The following ADAMTSL3 variants were observed in gnomAD, a reference collection of about 807,000 sequenced individuals.
ADAMTSL3 encodes the protein ADAMTS-like protein 3.
In ADAMTSL3, 128 loss-of-function variants were observed where a neutral mutation model predicts 201.7. The observed-to-expected ratio is 0.63, with a 90% CI of 0.55 to 0.73. ADAMTSL3 has a LOEUF of 0.73. Among genes scored for constraint, ADAMTSL3 ranks in the 30% least tolerant of loss-of-function variants. The pLI is 0.00. For synonymous variants in ADAMTSL3, 738 were observed against 748.4 expected, an observed-to-expected ratio of 0.99 and a Z score of 0.23; for missense variants, 1,990 against 2,119.6, an observed-to-expected ratio of 0.94 and a Z score of 1.20.
chr15:83,934,031 C>CA (rs982822801), intron 17 of ADAMTSL3, among the ~76,000 whole-genome samples: 8 of 152,234 alleles, frequency 5.3e-5, no homozygotes, highest in Admixed American at 3.9e-4. Flanking sequence ...AATCCCTACA[C>CA]AGAGTCCCCA....
rs576748603 is a variant in ADAMTSL3, at chr15:83,896,052, C to T, written c.1468-1806C>T. On this transcript the variant is annotated intron_variant, in intron 13 of 29. Transcript: ENST00000286744. ...AAAATAATTTTCAAGCTCCTTAAAG[C>T]GGTGGCTTGGCCGTGGCTTTGGCAA... Among the ~76,000 whole-genome samples, 124 of 152,222 alleles carry T rather than the reference C, an allele frequency of 8.1e-4. 1 individual carries two copies. Among genetic ancestry groups the T allele is most frequent in the Non-Finnish European group, 1.1e-3 (72 of 68,010 alleles).
intron 7 of ADAMTSL3, among the ~76,000 whole-genome samples, 193 bp downstream of exon 7, chr15:83,838,408 C>A (rs1281929849): frequency 6.6e-6 from 1 of 152,062 alleles, no homozygotes; most frequent in Non-Finnish European, 1.5e-5. Flanking sequence ...GAAGAGGACC[C>A]GTTTTCTTTG....
At chr15:83,986,834 C>G (rs1415231798) in intron 21 of ADAMTSL3, among the ~76,000 whole-genome samples, 1 of 152,158 alleles carries the variant, frequency 6.6e-6, no homozygotes, top group African/African-American at 2.4e-5. Flanking sequence ...ATAGAAAGAT[C>G]AACTTTGTTA....
At chr15:83,732,356 A>G (rs1487233445) in intron 3 of ADAMTSL3, among the ~76,000 whole-genome samples, 24 of 152,152 alleles carry the variant, frequency 1.6e-4, no homozygotes. Context: ...GAAAATAACT[A>G]AGTGTCCTAA....
At chr15:83,729,062 T>G (rs190825722) in intron 3 of ADAMTSL3, among the ~76,000 whole-genome samples, 97 of 152,208 alleles carry the variant, frequency 6.4e-4, no homozygotes, top group Non-Finnish European at 7.1e-4. Flanking sequence ...CTTTCAGCAG[T>G]TTACATATGT....
intron 13 of ADAMTSL3, among the ~76,000 whole-genome samples, chr15:83,893,208 G>C (rs1489601184): frequency 6.6e-6 from 1 of 152,208 alleles, no homozygotes; most frequent in East Asian, 1.9e-4. Flanking sequence ...GGAATTATTT[G>C]TTGCCCTTGT....
At chr15:83,927,199 C>A (rs531015141) in intron 17 of ADAMTSL3, among the ~76,000 whole-genome samples, 1 of 151,834 alleles carries the variant, frequency 6.6e-6, no homozygotes. Context: ...CCACTGCAGC[C>A]TCTGCCTCCT....
intron 2 of ADAMTSL3, among the ~76,000 whole-genome samples, chr15:83,693,475 T>G (rs1334332380): frequency 6.6e-6 from 1 of 152,148 alleles, no homozygotes; most frequent in Non-Finnish European, 1.5e-5. Flanking sequence ...TAGAGGCAGA[T>G]GGACTCCAGC....
At chr15:83,891,072 C>T (rs2065490415) in intron 11 of ADAMTSL3, 1 of 381,138 alleles carries the variant, frequency 2.6e-6, no homozygotes. Context: ...TTGCAAGATA[C>T]TTTTCTCCTT....
intron 17 of ADAMTSL3, among the ~76,000 whole-genome samples, chr15:83,931,486 CT>C (rs1202994134): frequency 4.6e-5 from 7 of 152,126 alleles, no homozygotes; most frequent in African/African-American, 1.7e-4. Flanking sequence ...AAACAGAAAC[CT>C]TCTGATTATT....
chr15:83,975,041 G>A (rs1467568395), intron 20 of ADAMTSL3, among the ~76,000 whole-genome samples: 2 of 124,174 alleles, frequency 1.6e-5, no homozygotes, highest in Admixed American at 1.1e-4. Context: ...TCTCGCTCTC[G>A]CCTAGGCTGG....
intron 4 of ADAMTSL3, among the ~76,000 whole-genome samples, chr15:83,789,995 T>C (rs1455104335): frequency 1.3e-5 from 2 of 152,050 alleles, no homozygotes; most frequent in Non-Finnish European, 2.9e-5. Flanking sequence ...TCTTAGGATT[T>C]ACCTTTTTCT....
intron 19 of ADAMTSL3, among the ~76,000 whole-genome samples, chr15:83,946,149 A>G (rs2066650645): frequency 6.6e-6 from 1 of 152,228 alleles, no homozygotes; most frequent in South Asian, 2.1e-4. Context: ...TCTTTCCTCT[A>G]AGAACAAACA....
chr15:83,866,395 G>A (rs1290386943), intron 8 of ADAMTSL3, among the ~76,000 whole-genome samples: 1 of 152,220 alleles, frequency 6.6e-6, no homozygotes. Context: ...TTAAGAAAAT[G>A]TGGCACATAT....
chr15:83,965,780 GAAGT>G (rs1396141386), intron 19 of ADAMTSL3, among the ~76,000 whole-genome samples: 1 of 152,090 alleles, frequency 6.6e-6, no homozygotes, highest in Non-Finnish European at 1.5e-5. Flanking sequence ...CACATACTTG[GAAGT>G]AAAACACTCC....
chr15:83,920,074 A>ATATG (rs981891550), intron 16 of ADAMTSL3, among the ~76,000 whole-genome samples: 23 of 152,322 alleles, frequency 1.5e-4, no homozygotes, highest in Non-Finnish European at 2.9e-4. Context: ...TAAGATATAT[A>ATATG]TATGTATGTA....
At chr15:83,984,575 C>T (rs2067441984) in intron 21 of ADAMTSL3, among the ~76,000 whole-genome samples, 1 of 152,098 alleles carries the variant, frequency 6.6e-6, no homozygotes, top group Non-Finnish European at 1.5e-5. Flanking sequence ...GCCTAAAGAG[C>T]TTTTGTAAAT....
intron 9 of ADAMTSL3, among the ~76,000 whole-genome samples, chr15:83,883,298 G>A (rs1028117091): frequency 6.6e-6 from 1 of 150,906 alleles, no homozygotes; most frequent in Non-Finnish European, 1.5e-5. Flanking sequence ...TCAGCTTCCC[G>A]AGTAGCTGGG....
In ADAMTSL3 at chr15:83,917,597, A is replaced by G. The variant is rs534109284; in HGVS notation, c.1987+4219A>G. 2.8e-4 allele frequency among the ~76,000 whole-genome samples: 42 copies of G among 152,300 alleles called. No individual in the cohort carries two copies. The South Asian group carries it at 8.7e-3, about 32-fold the overall frequency. On this transcript the variant is annotated intron_variant, in intron 16 of 29. Coordinates refer to ENST00000286744, the MANE Select transcript of ADAMTSL3 (RefSeq NM_207517.3). ...CTGGTAAGGTTTTATAATTTATTACATCATAAACATTCCTTACCGAAGTTC... is the reference window on the plus strand; with the variant it reads ...CTGGTAAGGTTTTATAATTTATTACGTCATAAACATTCCTTACCGAAGTTC...
Sources: allele counts gnomAD v4.1 joint callset (sites outside exome capture counted in the v4.1 genomes callset), GRCh38; gene constraint gnomAD v4.1.1; transcripts MANE v1.5; gene names NCBI Gene and HGNC (gene_info 2026-07-23, HGNC 2026-07-21).